The following COLEC10 variants were observed in gnomAD, a reference collection of about 807,000 sequenced individuals.
COLEC10 encodes collectin subfamily member 10.
Under a neutral mutation model 28.4 loss-of-function variants are expected in COLEC10, and 22 were observed. That is an observed-to-expected ratio of 0.78 (90% CI 0.55 to 1.11). COLEC10 has a LOEUF of 1.11. COLEC10 is among the 50% of genes least tolerant of loss of function. COLEC10 has a pLI of 0.00. For missense variants in COLEC10, 361 were observed against 344.1 expected, an observed-to-expected ratio of 1.05 and a Z score of -0.39; for synonymous variants, 125 against 116.1, an observed-to-expected ratio of 1.08 and a Z score of -0.49.
At chr8:119,027,215 G>A (rs1013372841) in intron 2 of COLEC10, among the ~76,000 whole-genome samples, 2 of 152,118 alleles carry the variant, frequency 1.3e-5, no homozygotes, top group Non-Finnish European at 2.9e-5. Flanking sequence ...AGACACCTGG[G>A]AAAATAAAAT....
At chr8:118,976,848 T>C in the COLEC10 span, among the ~76,000 whole-genome samples, 2 of 151,974 alleles carry the variant, frequency 1.3e-5, no homozygotes, top group East Asian at 1.9e-4. Flanking sequence ...ACAACCTACT[T>C]ATCTGACAAA....
chr8:118,962,212 A>G, the COLEC10 span, among the ~76,000 whole-genome samples: 1 of 152,212 alleles, frequency 6.6e-6, no homozygotes. Flanking sequence ...GTTTACTAGT[A>G]TGATGAGGAA....
chr8:118,991,718 C>A (rs915665594), upstream of COLEC10, among the ~76,000 whole-genome samples: 19 of 152,126 alleles, frequency 1.2e-4, no homozygotes, highest in African/African-American at 4.6e-4. Context: ...TGGCCCAATT[C>A]AGTATCCTGA....
chr8:119,055,852 GT>G (rs968056048), intron 2 of COLEC10, among the ~76,000 whole-genome samples: 6 of 151,794 alleles, frequency 4.0e-5, no homozygotes, highest in African/African-American at 7.3e-5. Flanking sequence ...TACCTTGACT[GT>G]TTTTTTCTTC....
chr8:119,091,476 G>A (rs543549295), intron 3 of COLEC10, among the ~76,000 whole-genome samples: 1 of 151,456 alleles, frequency 6.6e-6, no homozygotes, highest in Non-Finnish European at 1.5e-5. Flanking sequence ...GATCGTTTGA[G>A]CCCATAAGTT....
intron 2 of COLEC10, among the ~76,000 whole-genome samples, chr8:119,061,013 A>G (rs1373208266): frequency 6.6e-6 from 1 of 152,136 alleles, no homozygotes; most frequent in Non-Finnish European, 1.5e-5. Context: ...GAGCTAATAA[A>G]AGTAAGACAA....
At chr8:119,091,340 G>T in intron 3 of COLEC10, 120 bp downstream of exon 3, 2 of 599,244 alleles carry the variant, frequency 3.3e-6, no homozygotes, top group Non-Finnish European at 5.6e-6. Flanking sequence ...TTGAAGCCAA[G>T]AATTCAAAAC....
At chr8:119,044,404 C>T (rs1212770694) in intron 2 of COLEC10, among the ~76,000 whole-genome samples, 1 of 152,170 alleles carries the variant, frequency 6.6e-6, no homozygotes, top group Non-Finnish European at 1.5e-5. Flanking sequence ...CAAAGATGAG[C>T]TAGCTTTGGC....
chr8:119,082,622 C>A (rs930693547), intron 1 of COLEC10, among the ~76,000 whole-genome samples: 9 of 152,148 alleles, frequency 5.9e-5, no homozygotes, highest in Admixed American at 2.0e-4. Context: ...AAAATCTGTA[C>A]TGAGAGGACT....
the COLEC10 span, among the ~76,000 whole-genome samples, chr8:118,987,425 G>A: frequency 1.3e-5 from 2 of 152,082 alleles, no homozygotes; most frequent in Non-Finnish European, 2.9e-5. Flanking sequence ...TTAGCCAGAC[G>A]TGGTGGTACA....
intron 1 of COLEC10, among the ~76,000 whole-genome samples, chr8:119,002,970 ATATT>A (rs1293481119): frequency 3.9e-5 from 6 of 152,226 alleles, no homozygotes; most frequent in African/African-American, 1.2e-4. Flanking sequence ...TTACGTAATC[ATATT>A]TAAGTTTTTT....
In COLEC10 at chr8:119,089,621, G is replaced by A. The variant is rs941191326; in HGVS notation, c.149-59G>A. On this transcript the variant is annotated intron_variant, in intron 1 of 5. Transcript: ENST00000332843. ...TAACCATGTCCACCTTACCCTGGGA[G>A]AATGTGCTCATGTTACTGTTTGAGA... 8.2e-6 allele frequency: 11 copies of A among 1,347,476 alleles called. No homozygotes were observed. In the African/African-American group the frequency reaches 1.4e-4, roughly 18 times the overall value. 83.5% of individuals were successfully genotyped at this position (1,347,476 alleles called of 1,614,324 possible).
chr8:119,047,763 A>G (rs1241333313), intron 2 of COLEC10, among the ~76,000 whole-genome samples: 1 of 132,218 alleles, frequency 7.6e-6, no homozygotes, highest in Non-Finnish European at 1.6e-5. Context: ...ACCTGAGAGA[A>G]TTATAAGAAA....
At chr8:118,969,223 C>T in the COLEC10 span, among the ~76,000 whole-genome samples, 1 of 151,966 alleles carries the variant, frequency 6.6e-6, no homozygotes, top group Non-Finnish European at 1.5e-5. Context: ...CCTGAAGTCT[C>T]CAGAAGGAAC....
chr8:118,998,494 T>C (rs887878283), intron 1 of COLEC10, among the ~76,000 whole-genome samples: 1 of 152,032 alleles, frequency 6.6e-6, no homozygotes, highest in African/African-American at 2.4e-5. Context: ...TAGAAGTTCA[T>C]AAAAGCCAAG....
At chr8:118,953,573 C>T in the COLEC10 span, among the ~76,000 whole-genome samples, 1 of 152,024 alleles carries the variant, frequency 6.6e-6, no homozygotes, top group East Asian at 1.9e-4. Flanking sequence ...TTTACGTCTC[C>T]CTGAGCCTCA....
At chr8:118,975,807 G>A in the COLEC10 span, among the ~76,000 whole-genome samples, 1 of 152,038 alleles carries the variant, frequency 6.6e-6, no homozygotes, top group African/African-American at 2.4e-5. Flanking sequence ...ACCAGGTGAT[G>A]GTGAACCACT....
Position 119,106,266 on chromosome 8 carries a change from G to GA in COLEC10, c.*76dup, listed in dbSNP as rs1328302840. The GA allele has an allele frequency of 1.4e-5, 20 of 1,451,506 alleles. No homozygotes were observed. The highest frequency in any genetic ancestry group is 2.8e-5 in the African/African-American group (2 of 70,774). 89.9% of individuals were successfully genotyped at this position (1,451,506 alleles called of 1,614,324 possible). A position where few individuals can be genotyped will look rare whatever the true frequency, so the allele number is the denominator to read the frequency against. ...TATTGTTATCCATCCTTTTTTTCCT[G>GA]ATTGTACTACATTTGATCTGAGTCA... On this transcript the variant is annotated 3_prime_UTR_variant, in exon 6 of 6. Coordinates refer to ENST00000332843, the MANE Select transcript of COLEC10 (RefSeq NM_006438.5).
upstream of COLEC10, among the ~76,000 whole-genome samples, chr8:119,062,439 C>CT (rs1178295264): frequency 2.0e-5 from 3 of 151,680 alleles, no homozygotes; most frequent in African/African-American, 4.8e-5. Flanking sequence ...AACCATTTGA[C>CT]TTTTTTTAAA....
Sources: allele counts gnomAD v4.1 joint callset (sites outside exome capture counted in the v4.1 genomes callset), GRCh38; gene constraint gnomAD v4.1.1; transcripts MANE v1.5; gene names NCBI Gene and HGNC (gene_info 2026-07-23, HGNC 2026-07-21).